PM20D2: variants seen among roughly 807,000 people sequenced by gnomAD.
The protein encoded by PM20D2 is xaa-Arg dipeptidase.
PM20D2 carries 33 observed loss-of-function variants against 42.9 expected under a neutral mutation model. The ratio of observed to expected loss-of-function variants is 0.77; its 90% CI spans 0.58 to 1.03. The LOEUF (loss-of-function observed/expected upper bound fraction) is 1.03. PM20D2 is among the 50% of genes least tolerant of loss of function. PM20D2 has a pLI of 0.00. For missense variants in PM20D2, 548 were observed against 557.0 expected, an observed-to-expected ratio of 0.98 and a Z score of 0.16; for synonymous variants, 250 against 228.2, an observed-to-expected ratio of 1.10 and a Z score of -0.86.
chr6:89,125,666 C>G, the PM20D2 span, among the ~76,000 whole-genome samples: 1 of 151,570 alleles, frequency 6.6e-6, no homozygotes, highest in South Asian at 2.1e-4. Flanking sequence ...GCCTGTAATC[C>G]CAGCTACTCG....
At chr6:89,131,434 T>C in the PM20D2 span, among the ~76,000 whole-genome samples, 1 of 123,474 alleles carries the variant, frequency 8.1e-6, no homozygotes, top group Non-Finnish European at 1.8e-5. Context: ...ACACCTGTAA[T>C]CTCAGCACTT....
the PM20D2 span, chr6:89,106,543 T>C: frequency 1.3e-5 from 2 of 157,970 alleles, no homozygotes; most frequent in Non-Finnish European, 2.8e-5. Context: ...AATTATATAA[T>C]ATTAAACCTA....
At chr6:89,120,386 G>C in the PM20D2 span, among the ~76,000 whole-genome samples, 8 of 152,102 alleles carry the variant, frequency 5.3e-5, no homozygotes, top group Non-Finnish European at 8.8e-5. Context: ...CATACCTGGA[G>C]ATAGGACTTG....
At chr6:89,118,759 C>T in the PM20D2 span, among the ~76,000 whole-genome samples, 1 of 152,220 alleles carries the variant, frequency 6.6e-6, no homozygotes, top group Non-Finnish European at 1.5e-5. Flanking sequence ...AATGAACAAA[C>T]AGGCCAAGCC....
the PM20D2 span, among the ~76,000 whole-genome samples, chr6:89,128,730 A>AC: frequency 6.6e-6 from 1 of 152,180 alleles, no homozygotes; most frequent in African/African-American, 2.4e-5. Context: ...ATGTGATGCC[A>AC]CCCCCGGTGG....
At position 89,146,420 on chromosome 6, in the gene PM20D2, G is replaced by C; in HGVS notation, c.276G>C (p.Glu92Asp). 1.3e-6 allele frequency: 2 copies of C among 1,523,634 alleles called. No individual in the cohort carries two copies. Among genetic ancestry groups the C allele is most frequent in the South Asian group, 2.4e-5 (2 of 82,672 alleles). 94.4% of individuals were successfully genotyped at this position (1,523,634 alleles called of 1,614,324 possible). A position where few individuals can be genotyped will look rare whatever the true frequency, so the allele number is the denominator to read the frequency against. Residue 92 changes from glutamate to aspartate, a missense_variant, in exon 1 of 7, where the codon GAG becomes GAC. This residue lies in a region of PM20D2 where 470 missense variants were observed against 464.4 expected (regional missense o/e 1.01). Coordinates refer to ENST00000275072, the MANE Select transcript of PM20D2 (RefSeq NM_001010853.3). ...CCACGGCCTTCCGCGCCGAGTGGGAGCCGCCGGAGGCCCGGGCACCGAGCG... is the reference window on the plus strand; with the variant it reads ...CCACGGCCTTCCGCGCCGAGTGGGACCCGCCGGAGGCCCGGGCACCGAGCG... The part of the protein sequence containing the change: ...QLPTAFRAEW[E>D]PPEARAPSAT...
the PM20D2 span, among the ~76,000 whole-genome samples, chr6:89,100,230 G>A: frequency 6.6e-6 from 1 of 152,168 alleles, no homozygotes; most frequent in African/African-American, 2.4e-5. Flanking sequence ...CAAGAACTGC[G>A]CTGAAATTTT....
chr6:89,146,503 TCGGCCACGCCTG>T lies in PM20D2; in HGVS notation c.367_378del (p.Ala123_His126del). 6.6e-7 allele frequency: 1 copy of T among 1,523,482 alleles called. No individual in the cohort carries two copies. The highest frequency in any genetic ancestry group is 8.8e-7 in the Non-Finnish European group (1 of 1,142,812). 94.4% of individuals were successfully genotyped at this position (1,523,482 alleles called of 1,614,324 possible). ...TGCGAGTACGACGCGCTGCCCGGCA[TCGGCCACGCCTG>T]CGGCCACAACCTCATCGCTGAGGTC... On this transcript the variant is annotated inframe_deletion, in exon 1 of 7. Transcript: ENST00000275072.
the PM20D2 span, among the ~76,000 whole-genome samples, chr6:89,118,812 T>C: frequency 2.0e-5 from 3 of 152,196 alleles, no homozygotes; most frequent in Non-Finnish European, 4.4e-5. Context: ...CAAACGAATG[T>C]ACAAATGAAT....
intron 3 of PM20D2, among the ~76,000 whole-genome samples, chr6:89,153,500 C>T (rs1380033907): frequency 3.3e-5 from 5 of 151,484 alleles, no homozygotes; most frequent in African/African-American, 1.2e-4. Flanking sequence ...TCCAGTTGTC[C>T]TCATTATTTC....
the PM20D2 span, among the ~76,000 whole-genome samples, chr6:89,130,050 TAAAAA>T: frequency 8.0e-5 from 12 of 149,084 alleles, no homozygotes; most frequent in African/African-American, 3.0e-4. Flanking sequence ...TCTTCTAAAT[TAAAAA>T]AAAAAAGTAT....
At position 89,146,557 on chromosome 6, in the gene PM20D2, TGGGCGTGA is replaced by T. The variant is rs1185252038; in HGVS notation, c.417_424del (p.Val140GlyfsTer30). 1 of 1,495,406 alleles carries T rather than the reference TGGGCGTGA, an allele frequency of 6.7e-7. No individual in the cohort carries two copies. The highest frequency in any genetic ancestry group is 1.5e-5 in the African/African-American group (1 of 68,666). 92.6% of individuals were successfully genotyped at this position (1,495,406 alleles called of 1,614,324 possible). A position where few individuals can be genotyped will look rare whatever the true frequency, so the allele number is the denominator to read the frequency against. On this transcript the variant is annotated frameshift_variant, in exon 1 of 7. Coordinates refer to ENST00000275072, the MANE Select transcript of PM20D2 (RefSeq NM_001010853.3). LOFTEE classifies it high-confidence loss of function. ...GCTGAGGTCGGGGCGGCGGCCGCGC[TGGGCGTGA>T]GGGGGGCCTTAGAGGGCCTCCCCAG...
chr6:89,132,273 A>G, the PM20D2 span, among the ~76,000 whole-genome samples: 1 of 152,194 alleles, frequency 6.6e-6, no homozygotes, highest in Admixed American at 6.5e-5. Context: ...TGTCCTTCAG[A>G]AGAATGGGCC....
At chr6:89,130,819 C>CTTTTTTTTT in the PM20D2 span, among the ~76,000 whole-genome samples, 19 of 24,054 alleles carry the variant, frequency 7.9e-4, 1 homozygote, top group South Asian at 2.3e-3. Context: ...GCTTCTTCTT[C>CTTTTTTTTT]TTTTTTTTTT....
At chr6:89,150,120 C>T (rs1044427469) in intron 2 of PM20D2, among the ~76,000 whole-genome samples, 9 of 152,202 alleles carry the variant, frequency 5.9e-5, no homozygotes, top group African/African-American at 2.2e-4. Flanking sequence ...TCAGAAGTAG[C>T]TCGGTACTGA....
intron 5 of PM20D2, among the ~76,000 whole-genome samples, chr6:89,160,263 G>T (rs963095667): frequency 3.3e-5 from 5 of 152,092 alleles, no homozygotes; most frequent in African/African-American, 1.2e-4. Flanking sequence ...TCAAAGTCTG[G>T]CCTCAGTCTG....
the PM20D2 span, among the ~76,000 whole-genome samples, chr6:89,121,919 A>T: frequency 6.6e-6 from 1 of 152,254 alleles, no homozygotes; most frequent in Non-Finnish European, 1.5e-5. Flanking sequence ...TTTAGATATC[A>T]TCACCTGACT....
the PM20D2 span, among the ~76,000 whole-genome samples, chr6:89,129,044 A>C: frequency 6.6e-6 from 1 of 152,240 alleles, no homozygotes; most frequent in African/African-American, 2.4e-5. Context: ...TTGCAAGAAA[A>C]AAGAAAAAGG....
upstream of PM20D2, among the ~76,000 whole-genome samples, chr6:89,144,552 T>C (rs2127770403): frequency 6.6e-6 from 1 of 152,358 alleles, no homozygotes; most frequent in Middle Eastern, 3.4e-3. Context: ...ACTAGCTCTA[T>C]AATCTTGGAC....
Sources: gnomAD v4.1 joint callset for allele counts (sites outside exome capture counted in the v4.1 genomes callset) on GRCh38, gnomAD v4.1.1 for gene constraint, gnomAD v4.1.1 regional missense constraint, MANE v1.5 for transcripts, NCBI Gene and HGNC (gene_info 2026-07-23, HGNC 2026-07-21) for gene names.